Variants in YEATS4 observed in about 807,000 individuals in gnomAD.
YEATS4 encodes YEATS domain-containing protein 4.
Under a neutral mutation model 30.1 loss-of-function variants are expected in YEATS4, and 17 were observed. That is an observed-to-expected ratio of 0.56 (90% CI 0.39 to 0.85). The LOEUF is 0.85. Among genes scored for constraint, YEATS4 ranks in the 40% least tolerant of loss-of-function variants. The pLI is 0.00. For missense variants in YEATS4, 142 were observed against 268.3 expected (o/e 0.53, Z 3.29); for synonymous variants, 85 against 87.5 (o/e 0.97, Z 0.16).
chr12:69,423,926 A>G, the YEATS4 span, among the ~76,000 whole-genome samples: 1 of 152,182 alleles, frequency 6.6e-6, no homozygotes, highest in African/African-American at 2.4e-5. Flanking sequence ...AGCCTCTGGG[A>G]AAGAGTTATT....
chr12:69,417,756 C>T, the YEATS4 span, among the ~76,000 whole-genome samples: 1 of 150,498 alleles, frequency 6.6e-6, no homozygotes, highest in African/African-American at 2.5e-5. Context: ...CTTGTTACTG[C>T]AGAAATGGTC....
At chr12:69,389,971 G>A (rs1206414412) in intron 6 of YEATS4, among the ~76,000 whole-genome samples, 176 bp from the exon 7 acceptor site, 1 of 151,972 alleles carries the variant, frequency 6.6e-6, no homozygotes, top group Middle Eastern at 3.2e-3. Flanking sequence ...CCTCTCTTGG[G>A]AATTCAGACA....
the YEATS4 span, chr12:69,401,224 T>A: frequency 6.6e-6 from 1 of 152,126 alleles, no homozygotes; most frequent in Admixed American, 6.6e-5. Flanking sequence ...AATTGAAAAT[T>A]TACCATTTGA....
chr12:69,370,510 A>G (rs181343968), intron 4 of YEATS4, among the ~76,000 whole-genome samples, 196 bp from the exon 5 acceptor site: 2 of 152,336 alleles, frequency 1.3e-5, no homozygotes, highest in Admixed American at 1.3e-4. Flanking sequence ...CATGTTAGGT[A>G]GATATGAATG....
chr12:69,413,353 GAAAAAA>G, the YEATS4 span, among the ~76,000 whole-genome samples: 5 of 110,618 alleles, frequency 4.5e-5, no homozygotes, highest in Admixed American at 9.0e-5. Context: ...GTCTCTAAAT[GAAAAAA>G]AAAAAAAAAA....
At chr12:69,408,802 C>T in the YEATS4 span, among the ~76,000 whole-genome samples, 7 of 152,340 alleles carry the variant, frequency 4.6e-5, no homozygotes, top group African/African-American at 7.2e-5. Context: ...GCTCTCATTC[C>T]TCTCACAGCT....
At chr12:69,395,010 G>A (rs1273545357), downstream of YEATS4, among the ~76,000 whole-genome samples, 4 of 152,238 alleles carry the variant, frequency 2.6e-5, no homozygotes, top group African/African-American at 7.2e-5. Flanking sequence ...GACAGTGATA[G>A]CAAGTGAGGA....
intron 4 of YEATS4, among the ~76,000 whole-genome samples, chr12:69,366,801 C>T (rs932907885): frequency 6.6e-6 from 1 of 152,190 alleles, no homozygotes; most frequent in African/African-American, 2.4e-5. Flanking sequence ...TTTAAAGGAG[C>T]TGAATATCAC....
intron 4 of YEATS4, among the ~76,000 whole-genome samples, chr12:69,367,196 T>C (rs1565675808): frequency 6.6e-6 from 1 of 152,188 alleles, no homozygotes; most frequent in Non-Finnish European, 1.5e-5. Flanking sequence ...TCGTTACGCT[T>C]CCCTGAACTT....
At chr12:69,368,804 T>C (rs1875533452) in intron 4 of YEATS4, among the ~76,000 whole-genome samples, 1 of 152,180 alleles carries the variant, frequency 6.6e-6, no homozygotes, top group Non-Finnish European at 1.5e-5. Context: ...GCCTTATCTT[T>C]CTCCCTGGTC....
chr12:69,375,823 GGAGGTTGCAGT>G (rs1053983412), intron 6 of YEATS4, among the ~76,000 whole-genome samples: 2 of 152,106 alleles, frequency 1.3e-5, no homozygotes, highest in African/African-American at 4.8e-5. Flanking sequence ...AATCAGGCAG[GGAGGTTGCAGT>G]GAGCCGAGAT....
At chr12:69,384,841 A>G (rs1055779806) in intron 6 of YEATS4, among the ~76,000 whole-genome samples, 1 of 152,222 alleles carries the variant, frequency 6.6e-6, no homozygotes, top group African/African-American at 2.4e-5. Flanking sequence ...ATTGATAAAT[A>G]GAAAAACCTG....
chr12:69,399,037 C>G, the YEATS4 span, among the ~76,000 whole-genome samples: 1 of 151,672 alleles, frequency 6.6e-6, no homozygotes, highest in East Asian at 1.9e-4. Context: ...GTCCCAGGTA[C>G]TCAGGATGCT....
the YEATS4 span, among the ~76,000 whole-genome samples, chr12:69,415,084 G>A: frequency 1.3e-5 from 2 of 152,154 alleles, no homozygotes; most frequent in Admixed American, 6.5e-5. Flanking sequence ...TGCATGCTGA[G>A]CGCACACTTG....
chr12:69,407,462 TTTTG>T, the YEATS4 span, among the ~76,000 whole-genome samples: 4 of 151,736 alleles, frequency 2.6e-5, no homozygotes, highest in Non-Finnish European at 5.9e-5. Flanking sequence ...TCTAGAATTC[TTTTG>T]TTTGTTTTTC....
intron 6 of YEATS4, 75 bp downstream of exon 6, chr12:69,371,050 T>G: frequency 7.0e-7 from 1 of 1,422,086 alleles, no homozygotes; most frequent in Non-Finnish European, 9.5e-7. Flanking sequence ...ATTCGTGCCT[T>G]TTACACTTTA....
intron 4 of YEATS4, among the ~76,000 whole-genome samples, chr12:69,366,359 T>TCG (rs1298016454): frequency 2.7e-5 from 4 of 150,720 alleles, no homozygotes; most frequent in Admixed American, 1.3e-4. Context: ...GATCTCTTCT[T>TCG]ATCAGATTGT....
At chr12:69,409,498 T>A in the YEATS4 span, among the ~76,000 whole-genome samples, 1 of 151,914 alleles carries the variant, frequency 6.6e-6, no homozygotes, top group African/African-American at 2.4e-5. Flanking sequence ...ACACTTGTAG[T>A]CCCAGCTACT....
downstream of YEATS4, among the ~76,000 whole-genome samples, chr12:69,393,725 G>C (rs908220643): frequency 9.2e-5 from 14 of 152,142 alleles, no homozygotes; most frequent in Non-Finnish European, 1.9e-4. Context: ...AGGGGGAGTA[G>C]AAATACAGAT....
Sources: allele counts gnomAD v4.1 joint callset (sites outside exome capture counted in the v4.1 genomes callset), GRCh38; gene constraint gnomAD v4.1.1; transcripts MANE v1.5; gene names NCBI Gene and HGNC (gene_info 2026-07-23, HGNC 2026-07-21).